The following DOP1B variants were observed in gnomAD, a reference collection of about 807,000 sequenced individuals.
The protein encoded by DOP1B is protein DOP1B.
A neutral mutation model predicts 233.5 loss-of-function variants in DOP1B; 174 were observed. That is an observed-to-expected ratio of 0.75 (90% CI 0.66 to 0.85). DOP1B has a LOEUF of 0.85. Ranked by LOEUF, DOP1B falls within the 40% of genes least tolerant of loss-of-function variation. DOP1B has a pLI of 0.00. For missense variants in DOP1B, 2,652 were observed against 2,846.6 expected (o/e 0.93, Z 1.56); for synonymous variants, 1,190 against 1,185.6 (o/e 1.00, Z -0.08).
intron 2 of DOP1B, among the ~76,000 whole-genome samples, chr21:36,174,233 G>A (rs12482467): frequency 0.069 from 10,512 of 152,114 alleles, 1,199 homozygotes; most frequent in African/African-American, 0.24. Context: ...CACGTGTGTA[G>A]TCCCAGCACT....
chr21:36,269,986 T>A (rs1428270419), intron 26 of DOP1B, 27 bp from the exon 27 acceptor site: 1 of 1,612,748 alleles, frequency 6.2e-7, no homozygotes, highest in Non-Finnish European at 8.5e-7. Context: ...ATTAACTTCC[T>A]TTCCCCCTCC....
chr21:36,272,988 A>C (rs1174387902), intron 27 of DOP1B, among the ~76,000 whole-genome samples: 2 of 147,426 alleles, frequency 1.4e-5, no homozygotes, highest in South Asian at 4.3e-4. Flanking sequence ...CCATCTCAAA[A>C]AAAAAAAAAA....
At chr21:36,236,462 A>G (rs980472786) in intron 15 of DOP1B, among the ~76,000 whole-genome samples, 4 of 152,220 alleles carry the variant, frequency 2.6e-5, no homozygotes, top group African/African-American at 9.6e-5. Context: ...CAGACCCCAG[A>G]GGTGACCAAG....
At chr21:36,279,693 C>T (rs968746561) in intron 30 of DOP1B, among the ~76,000 whole-genome samples, 3 of 152,278 alleles carry the variant, frequency 2.0e-5, no homozygotes, top group South Asian at 2.1e-4. Context: ...CCTGTATGAA[C>T]ATATTTAAGA....
intron 1 of DOP1B, 189 bp from the exon 2 acceptor site, chr21:36,164,519 C>T (rs980225168): frequency 1.2e-4 from 41 of 351,392 alleles, no homozygotes; most frequent in Non-Finnish European, 1.6e-4. Context: ...TCCACGAGGG[C>T]GGGAACTATT....
chr21:36,177,602 C>G (rs774791701), intron 2 of DOP1B, among the ~76,000 whole-genome samples: 1 of 152,084 alleles, frequency 6.6e-6, no homozygotes, highest in Non-Finnish European at 1.5e-5. Context: ...ACCATGAGGG[C>G]TCTGTTCTCA....
intron 12 of DOP1B, among the ~76,000 whole-genome samples, chr21:36,227,000 T>C (rs887030857): frequency 1.3e-5 from 2 of 151,046 alleles, no homozygotes; most frequent in African/African-American, 2.4e-5. Context: ...GGTCAGGAGA[T>C]TGAGACCACC....
chr21:36,206,136 G>T (rs550762435), intron 4 of DOP1B, among the ~76,000 whole-genome samples: 3 of 152,040 alleles, frequency 2.0e-5, no homozygotes, highest in Non-Finnish European at 4.4e-5. Context: ...CGTTTATTTT[G>T]CTCTCTCATA....
At chr21:36,233,105 GGCCTCCTTCTCCCCCTGA>G (rs1219065906) in intron 15 of DOP1B, 30 bp downstream of exon 15, 39 of 1,606,264 alleles carry the variant, frequency 2.4e-5, no homozygotes, top group Non-Finnish European at 3.3e-5. Flanking sequence ...CTCTTCTTAT[GGCCTCCTTCTCCCCCTGA>G]GCAAAACTCA....
At chr21:36,227,270 A>G (rs1403682133) in intron 12 of DOP1B, among the ~76,000 whole-genome samples, 5 of 144,554 alleles carry the variant, frequency 3.5e-5, no homozygotes, top group East Asian at 2.1e-4. Flanking sequence ...AATGTGGGTC[A>G]GGCACGGTGG....
At chr21:36,281,438 A>G (rs555595023) in intron 31 of DOP1B, 45 bp from the exon 32 acceptor site, 18 of 1,535,226 alleles carry the variant, frequency 1.2e-5, no homozygotes, top group African/African-American at 2.7e-5. Context: ...CTTCCCTCCA[A>G]TTGTGGTTTT....
At chr21:36,174,861 T>A (rs1441595254) in intron 2 of DOP1B, among the ~76,000 whole-genome samples, 1 of 152,208 alleles carries the variant, frequency 6.6e-6, no homozygotes, top group Non-Finnish European at 1.5e-5. Context: ...TAGTATTAGT[T>A]CACATAAATC....
In DOP1B at chr21:36,199,109, C is replaced by T. The variant is rs1372252726; in HGVS notation, c.178C>T (p.Arg60Trp). Residue 60 changes from arginine to tryptophan, a missense_variant, in exon 3 of 37, where the codon CGG becomes TGG. Transcript: ENST00000691173. ...CCTGAGGTACTCCTTGTTGCCAAGA[C>T]GGCTCCTCATCAGCAAAAGATTAGC... is the stretch of plus-strand genomic sequence containing the variant. ...SNLRYSLLPRRLLISKRLAQC... is the reference protein window; with the variant it reads ...SNLRYSLLPRWLLISKRLAQC... The T allele has an allele frequency of 8.1e-6, 13 of 1,613,906 alleles. No individual in the cohort carries two copies. Among genetic ancestry groups the T allele is most frequent in the African/African-American group, 4.0e-5 (3 of 74,910 alleles).
chr21:36,238,901 G>A (rs2066858474), intron 17 of DOP1B, among the ~76,000 whole-genome samples, 200 bp downstream of exon 17: 1 of 152,140 alleles, frequency 6.6e-6, no homozygotes, highest in Non-Finnish European at 1.5e-5. Context: ...CCTGGAGTTA[G>A]AGACCAGCCT....
intron 36 of DOP1B, 23 bp from the exon 37 acceptor site, chr21:36,293,297 T>TTA (rs1244873702): frequency 6.2e-7 from 1 of 1,609,322 alleles, no homozygotes; most frequent in Admixed American, 1.7e-5. Context: ...CATATCATTG[T>TTA]TATGGGTTTG....
chr21:36,163,527 A>G (rs2065885851), intron 1 of DOP1B, among the ~76,000 whole-genome samples: 1 of 152,124 alleles, frequency 6.6e-6, no homozygotes, highest in African/African-American at 2.4e-5. Context: ...TCCATTTACC[A>G]TATTTGCCTT....
At chr21:36,272,797 C>T (rs1452364305) in intron 27 of DOP1B, among the ~76,000 whole-genome samples, 1 of 151,410 alleles carries the variant, frequency 6.6e-6, no homozygotes, top group Non-Finnish European at 1.5e-5. Context: ...CCAGCCTGAC[C>T]GACATGGAGA....
intron 11 of DOP1B, among the ~76,000 whole-genome samples, chr21:36,223,923 A>T (rs184044241): frequency 2.6e-5 from 4 of 151,976 alleles, no homozygotes; most frequent in Non-Finnish European, 5.9e-5. Context: ...GTCATGTCTC[A>T]AACCCTGTTT....
chr21:36,235,202 C>T (rs531714597), intron 15 of DOP1B, among the ~76,000 whole-genome samples: 89 of 152,250 alleles, frequency 5.8e-4, no homozygotes, highest in South Asian at 1.0e-3. Context: ...ATAGCCAGGA[C>T]GTGCCCCCAA....
Sources: gnomAD v4.1 joint callset for allele counts (sites outside exome capture counted in the v4.1 genomes callset) on GRCh38, gnomAD v4.1.1 for gene constraint, MANE v1.5 for transcripts, NCBI Gene and HGNC (gene_info 2026-07-23, HGNC 2026-07-21) for gene names.